INPP4B: variants seen among roughly 807,000 people sequenced by gnomAD.
INPP4B encodes the protein inositol polyphosphate-4-phosphatase type II B.
A neutral mutation model predicts 122.5 loss-of-function variants in INPP4B; 55 were observed. That is an observed-to-expected ratio of 0.45 (90% CI 0.36 to 0.56). INPP4B has a LOEUF of 0.56. INPP4B is among the 20% of genes least tolerant of loss of function. The pLI is 0.00. For synonymous variants in INPP4B, 403 were observed against 388.7 expected, an observed-to-expected ratio of 1.04 and a Z score of -0.43; for missense variants, 1,000 against 1,097.7, an observed-to-expected ratio of 0.91 and a Z score of 1.26.
intron 5 of INPP4B, among the ~76,000 whole-genome samples, chr4:142,412,006 T>C (rs917979147): frequency 6.6e-6 from 1 of 152,172 alleles, no homozygotes; most frequent in African/African-American, 2.4e-5. Context: ...AAAAGACTTT[T>C]GCAGCCTAGG....
intron 2 of INPP4B, among the ~76,000 whole-genome samples, chr4:142,573,620 C>A (rs1733284573): frequency 6.6e-6 from 1 of 152,126 alleles, no homozygotes; most frequent in Non-Finnish European, 1.5e-5. Flanking sequence ...TTAAAAACCT[C>A]CATCTATTAC....
intron 14 of INPP4B, among the ~76,000 whole-genome samples, chr4:142,197,384 C>T (rs1448615468): frequency 1.3e-5 from 2 of 152,104 alleles, no homozygotes; most frequent in African/African-American, 2.4e-5. Context: ...CAATCAAACT[C>T]AATTACCACC....
chr4:142,464,901 TAC>T (rs1332910768), intron 2 of INPP4B, among the ~76,000 whole-genome samples: 2 of 152,188 alleles, frequency 1.3e-5, no homozygotes. Flanking sequence ...TGCTCTGTTG[TAC>T]AGAGTAGATG....
chr4:142,787,359 CAA>C (rs1184794651), intron 1 of INPP4B, among the ~76,000 whole-genome samples: 1 of 152,072 alleles, frequency 6.6e-6, no homozygotes, highest in African/African-American at 2.4e-5. Context: ...TATAAAAGAA[CAA>C]GTTTGGCCCC....
intron 2 of INPP4B, among the ~76,000 whole-genome samples, chr4:142,585,117 G>A (rs1735886549): frequency 6.6e-6 from 1 of 152,066 alleles, no homozygotes; most frequent in Non-Finnish European, 1.5e-5. Flanking sequence ...TGTGATATTG[G>A]TAGTGTTATT....
At chr4:142,102,179 T>G (rs1461438457) in intron 23 of INPP4B, among the ~76,000 whole-genome samples, 1 of 151,996 alleles carries the variant, frequency 6.6e-6, no homozygotes, top group African/African-American at 2.4e-5. Context: ...TCAAATAAGA[T>G]TTAAGATAAA....
intron 2 of INPP4B, among the ~76,000 whole-genome samples, chr4:142,647,002 G>A (rs1411837417): frequency 3.9e-5 from 6 of 152,118 alleles, no homozygotes; most frequent in Non-Finnish European, 8.8e-5. Flanking sequence ...ATTTCACTGA[G>A]GACTGTAATT....
At chr4:142,207,525 G>A (rs1490405891) in intron 14 of INPP4B, among the ~76,000 whole-genome samples, 1 of 152,136 alleles carries the variant, frequency 6.6e-6, no homozygotes, top group Non-Finnish European at 1.5e-5. Context: ...AAGTATGTTT[G>A]TATGCATTTT....
chr4:142,776,556 C>T (rs1165649864), intron 1 of INPP4B, among the ~76,000 whole-genome samples: 3 of 152,026 alleles, frequency 2.0e-5, no homozygotes, highest in Non-Finnish European at 2.9e-5. Flanking sequence ...TAGAATATTC[C>T]AGATATATGC....
chr4:142,528,269 C>T (rs1036934077), intron 2 of INPP4B, among the ~76,000 whole-genome samples: 1 of 152,046 alleles, frequency 6.6e-6, no homozygotes, highest in Admixed American at 6.6e-5. Context: ...ATCAGGAATT[C>T]ATACACTTCT....
rs1471756164 is a variant in INPP4B, at chr4:142,742,506, A to G, written c.-253-16605T>C. On this transcript the variant is annotated intron_variant, in intron 1 of 25. Coordinates refer to ENST00000262992, the MANE Select transcript of INPP4B (RefSeq NM_001101669.3). Reference sequence around the variant, plus strand: ...TCACAAATATATCATATATCAACAGATTTTCAAAGCAATGACGGATGTCAG... The same window carrying G: ...TCACAAATATATCATATATCAACAGGTTTTCAAAGCAATGACGGATGTCAG... 2.0e-5 allele frequency among the ~76,000 whole-genome samples: 3 copies of G among 152,012 alleles called. No homozygotes were observed. In the East Asian group the frequency reaches 5.8e-4, roughly 29 times the overall value.
chr4:142,385,507 C>T (rs545993634), intron 7 of INPP4B, among the ~76,000 whole-genome samples: 2 of 152,196 alleles, frequency 1.3e-5, no homozygotes, highest in African/African-American at 4.8e-5. Context: ...TTGTTCACCT[C>T]TGAATACAGA....
chr4:142,207,615 G>A (rs564112300), intron 14 of INPP4B, among the ~76,000 whole-genome samples: 6 of 152,158 alleles, frequency 3.9e-5, no homozygotes, highest in East Asian at 1.9e-4. Context: ...AGCATTAGTC[G>A]TTTACACGGG....
intron 2 of INPP4B, among the ~76,000 whole-genome samples, chr4:142,650,395 T>A (rs1752681178): frequency 6.6e-6 from 1 of 152,152 alleles, no homozygotes; most frequent in Admixed American, 6.5e-5. Context: ...ATGGGTTAAA[T>A]GCCCCAATTA....
intron 23 of INPP4B, among the ~76,000 whole-genome samples, chr4:142,107,528 T>C (rs989144717): frequency 2.6e-4 from 40 of 152,164 alleles, no homozygotes; most frequent in African/African-American, 3.1e-4. Context: ...AATTGGACAA[T>C]GGCCCCCTCC....
At chr4:142,518,535 G>A (rs982677357) in intron 2 of INPP4B, among the ~76,000 whole-genome samples, 6 of 152,026 alleles carry the variant, frequency 3.9e-5, no homozygotes, top group African/African-American at 1.2e-4. Context: ...TTCCTCTAAT[G>A]ATTGTCACAT....
intron 3 of INPP4B, among the ~76,000 whole-genome samples, chr4:142,458,009 C>T (rs1815853284): frequency 6.6e-6 from 1 of 152,134 alleles, no homozygotes; most frequent in Non-Finnish European, 1.5e-5. Context: ...AAAACCTGGA[C>T]ACAGATGCTT....
chr4:142,142,589 G>T (rs1303167512), intron 18 of INPP4B, among the ~76,000 whole-genome samples: 2 of 151,980 alleles, frequency 1.3e-5, no homozygotes, highest in African/African-American at 4.8e-5. Flanking sequence ...AGTAAAACAA[G>T]TAAGAAAATG....
At chr4:142,779,264 TG>T (rs1267459395) in intron 1 of INPP4B, among the ~76,000 whole-genome samples, 1 of 152,082 alleles carries the variant, frequency 6.6e-6, no homozygotes, top group Non-Finnish European at 1.5e-5. Flanking sequence ...TTCATTTTTG[TG>T]TGTTGAATGA....
Sources: allele counts gnomAD v4.1 joint callset (sites outside exome capture counted in the v4.1 genomes callset), GRCh38; gene constraint gnomAD v4.1.1; transcripts MANE v1.5; gene names NCBI Gene and HGNC (gene_info 2026-07-23, HGNC 2026-07-21).